CFAP52: variants seen among roughly 807,000 people sequenced by gnomAD.
The protein encoded by CFAP52 is cilia- and flagella-associated protein 52.
In CFAP52, 57 loss-of-function variants were observed where a neutral mutation model predicts 70.5. That is an observed-to-expected ratio of 0.81 (90% CI 0.65 to 1.01). CFAP52 has a LOEUF of 1.01. Ranked by LOEUF, CFAP52 falls within the 50% of genes least tolerant of loss-of-function variation. The pLI is 0.00. For missense variants in CFAP52, 785 were observed against 788.5 expected (o/e 1.00, Z 0.05); for synonymous variants, 267 against 292.5 (o/e 0.91, Z 0.89).
intron 3 of CFAP52, 119 bp from the exon 4 acceptor site, chr17:9,594,074 T>TCGC: frequency 2.1e-6 from 3 of 1,407,234 alleles, no homozygotes; most frequent in Admixed American, 2.7e-5. Flanking sequence ...ATTTTGTTGT[T>TCGC]CGTTTTTAAG....
intron 4 of CFAP52, among the ~76,000 whole-genome samples, chr17:9,594,893 GT>G (rs11378454): frequency 0.2 from 25,897 of 130,526 alleles, 2,356 homozygotes; most frequent in East Asian, 0.42. Flanking sequence ...ATTAGGGAGG[GT>G]TTTTTTTTTT....
chr17:9,612,818 T>G (rs996914078), intron 8 of CFAP52, among the ~76,000 whole-genome samples: 2 of 152,234 alleles, frequency 1.3e-5, no homozygotes, highest in Admixed American at 6.5e-5. Context: ...TATTTTATGA[T>G]GGTGTAAAAG....
chr17:9,596,059 G>GTGTGTATATATA (rs1555541607), intron 4 of CFAP52, among the ~76,000 whole-genome samples: 1 of 85,206 alleles, frequency 1.2e-5, no homozygotes, highest in Non-Finnish European at 2.3e-5. Context: ...ATATGTGTGT[G>GTGTGTATATATA]TATATATATA....
intron 8 of CFAP52, among the ~76,000 whole-genome samples, 184 bp from the exon 9 acceptor site, chr17:9,628,488 C>T (rs886382085): frequency 2.0e-5 from 3 of 151,946 alleles, no homozygotes; most frequent in Non-Finnish European, 4.4e-5. Flanking sequence ...CCATGTTGGT[C>T]AGGCTGGTCT....
chr17:9,593,580 T>G (rs1196015282), intron 3 of CFAP52, among the ~76,000 whole-genome samples: 5 of 151,926 alleles, frequency 3.3e-5, no homozygotes, highest in Non-Finnish European at 5.9e-5. Flanking sequence ...CTCAGCCTCC[T>G]GAGTAGCTGG....
downstream of CFAP52, chr17:9,645,134 C>T (rs111467572): frequency 0.013 from 1,975 of 153,000 alleles, 49 homozygotes; most frequent in African/African-American, 0.045. This position sits in a 1 kb window ranked among gnomAD's most constrained non-coding sequence, Gnocchi z 6.8. Flanking sequence ...AAGCGCTCCC[C>T]ACCCCCACAC....
chr17:9,631,995 C>A (rs946792641), intron 9 of CFAP52, among the ~76,000 whole-genome samples: 2 of 151,440 alleles, frequency 1.3e-5, no homozygotes, highest in Non-Finnish European at 2.9e-5. Context: ...CTGGTCTCCA[C>A]CTCCTGTCCT....
At chr17:9,637,146 G>A (rs778513893) in intron 11 of CFAP52, among the ~76,000 whole-genome samples, 4 of 152,126 alleles carry the variant, frequency 2.6e-5, no homozygotes, top group East Asian at 1.9e-4. Flanking sequence ...TACAAATGTC[G>A]ATTTTGATTC....
At chr17:9,614,157 C>CTTTTTTTTTTTTTT (rs11347755) in intron 8 of CFAP52, among the ~76,000 whole-genome samples, 1 of 93,986 alleles carries the variant, frequency 1.1e-5, no homozygotes, top group African/African-American at 3.8e-5. Flanking sequence ...TTCTTTCTTT[C>CTTTTTTTTTTTTTT]TTTTTTTTTT....
chr17:9,576,743 TGAC>T lies in CFAP52; in HGVS notation c.50_52del (p.Asp17del), dbSNP rs751958256. On this transcript the variant is annotated inframe_deletion, in exon 1 of 14. Transcript: ENST00000352665. ...AGGCCCAAGTGGCGGAGCTGGAACTTGACGCCGTGATCGGCTTCAATGGTGAGG... is the reference window on the plus strand; with the variant it reads ...AGGCCCAAGTGGCGGAGCTGGAACTTGCCGTGATCGGCTTCAATGGTGAGG... 6.2e-7 allele frequency: 1 copy of T among 1,612,432 alleles called. No individual in the cohort carries two copies. Among genetic ancestry groups the T allele is most frequent in the African/African-American group, 1.3e-5 (1 of 74,896 alleles).
intron 7 of CFAP52, among the ~76,000 whole-genome samples, chr17:9,609,128 A>G (rs1909622518): frequency 6.6e-6 from 1 of 152,174 alleles, no homozygotes; most frequent in Admixed American, 6.6e-5. Context: ...CACATGTTGT[A>G]GAAATGAGCA....
chr17:9,586,987 C>T (rs938365761), intron 3 of CFAP52, among the ~76,000 whole-genome samples, 153 bp downstream of exon 3: 6 of 145,266 alleles, frequency 4.1e-5, no homozygotes, highest in African/African-American at 1.6e-4. Flanking sequence ...AGCCTAGTAC[C>T]CAGTAGTTAT....
intron 1 of CFAP52, among the ~76,000 whole-genome samples, chr17:9,582,567 G>A (rs1908273156): frequency 6.6e-6 from 1 of 152,054 alleles, no homozygotes; most frequent in South Asian, 2.1e-4. Context: ...TTTGTCTATT[G>A]TATACATTGA....
intron 11 of CFAP52, among the ~76,000 whole-genome samples, chr17:9,636,463 G>A (rs1053693409): frequency 2.6e-5 from 4 of 152,126 alleles, no homozygotes; most frequent in African/African-American, 7.2e-5. Context: ...ACCAAAGCCT[G>A]TGAACTTTAT....
chr17:9,600,276 C>T (rs1336477851), intron 6 of CFAP52, 93 bp downstream of exon 6: 8 of 1,056,268 alleles, frequency 7.6e-6, no homozygotes, highest in Non-Finnish European at 1.2e-5. Context: ...CAGTCTTGTT[C>T]TGTCACTCAA....
At chr17:9,594,849 G>C (rs1418656385) in intron 4 of CFAP52, among the ~76,000 whole-genome samples, 1 of 150,672 alleles carries the variant, frequency 6.6e-6, no homozygotes, top group Non-Finnish European at 1.5e-5. Context: ...TTAATTTACA[G>C]ATTCACTAAT....
intron 1 of CFAP52, 59 bp from the exon 2 acceptor site, chr17:9,585,714 A>G: frequency 5.8e-6 from 9 of 1,540,064 alleles, no homozygotes; most frequent in Admixed American, 1.7e-5. Flanking sequence ...GTACTCAAGT[A>G]GAAAATTCCT....
chr17:9,582,184 G>C (rs1908257315), intron 1 of CFAP52, among the ~76,000 whole-genome samples: 1 of 152,188 alleles, frequency 6.6e-6, no homozygotes, highest in Non-Finnish European at 1.5e-5. Flanking sequence ...TAGAGTAGCT[G>C]GGTCCTGGGG....
intron 9 of CFAP52, 60 bp from the exon 10 acceptor site, chr17:9,632,828 A>G: frequency 1.3e-6 from 2 of 1,579,064 alleles, no homozygotes; most frequent in South Asian, 2.4e-5. Flanking sequence ...AGGCCAGCAG[A>G]CTGTGGAGAG....
Sources: allele counts gnomAD v4.1 joint callset (sites outside exome capture counted in the v4.1 genomes callset), GRCh38; gene constraint gnomAD v4.1.1; non-coding constraint Gnocchi (gnomAD v3.1); transcripts MANE v1.5; gene names NCBI Gene and HGNC (gene_info 2026-07-23, HGNC 2026-07-21).